The following SH3D19 variants were observed in gnomAD, a reference collection of about 807,000 sequenced individuals.
The protein encoded by SH3D19 is SH3 domain containing 19, also known as SH3 domain-containing protein 19.
In SH3D19, 58 loss-of-function variants were observed where a neutral mutation model predicts 112.1. That is an observed-to-expected ratio of 0.52 (90% confidence interval 0.42 to 0.64). The LOEUF (loss-of-function observed/expected upper bound fraction) is 0.64. SH3D19 is among the 30% of genes least tolerant of loss of function. The pLI is 0.00. For missense variants in SH3D19, 1,090 were observed against 1,263.4 expected, an observed-to-expected ratio of 0.86 and a Z score of 2.08; for synonymous variants, 391 against 448.5, an observed-to-expected ratio of 0.87 and a Z score of 1.62.
chr4:151,213,596 G>C (rs1378650641), intron 2 of SH3D19, among the ~76,000 whole-genome samples: 1 of 152,128 alleles, frequency 6.6e-6, no homozygotes, highest in Non-Finnish European at 1.5e-5. Context: ...AGTGAGCCGT[G>C]ACTGCACCAC....
chr4:151,277,918 G>A (rs2150004079), intron 1 of SH3D19, among the ~76,000 whole-genome samples: 1 of 152,192 alleles, frequency 6.6e-6, no homozygotes, highest in South Asian at 2.1e-4. Flanking sequence ...GCGGGCACCT[G>A]TAGTCCCAGC....
At chr4:151,325,182 G>C (rs1730929156) in intron 1 of SH3D19, 59 bp downstream of exon 1, 4 of 982,000 alleles carry the variant, frequency 4.1e-6, no homozygotes, top group Admixed American at 4.4e-5. Context: ...GGCAGGACCC[G>C]AGCGGCCCCA....
chr4:151,235,898 T>A (rs997389336), intron 1 of SH3D19, among the ~76,000 whole-genome samples: 3 of 152,128 alleles, frequency 2.0e-5, no homozygotes, highest in African/African-American at 7.2e-5. Flanking sequence ...GAAACCAAAG[T>A]CCCTTATACA....
At chr4:151,270,015 A>G (rs928847513) in intron 1 of SH3D19, among the ~76,000 whole-genome samples, 9 of 152,168 alleles carry the variant, frequency 5.9e-5, no homozygotes, top group Admixed American at 4.6e-4. Context: ...TGCCTTTTGC[A>G]GAATACTTCC....
chr4:151,313,383 T>C (rs1458582778), intron 1 of SH3D19, among the ~76,000 whole-genome samples: 1 of 151,838 alleles, frequency 6.6e-6, no homozygotes, highest in Non-Finnish European at 1.5e-5. Context: ...AATATTCAAA[T>C]AGAAGTCTGC....
chr4:151,318,300 C>CAAAAAAA (rs752720803), intron 1 of SH3D19, among the ~76,000 whole-genome samples: 8 of 54,398 alleles, frequency 1.5e-4, no homozygotes, highest in African/African-American at 1.9e-4. Context: ...GACTCTGACT[C>CAAAAAAA]AAAAAAAAAA....
intron 1 of SH3D19, among the ~76,000 whole-genome samples, chr4:151,303,042 G>A (rs1156668893): frequency 6.6e-6 from 1 of 152,192 alleles, no homozygotes; most frequent in Non-Finnish European, 1.5e-5. Context: ...AAGAATGCAT[G>A]TCTTCTGAAT....
intron 11 of SH3D19, chr4:151,144,385 C>T: frequency 2.8e-6 from 3 of 1,054,630 alleles, no homozygotes; most frequent in Non-Finnish European, 4.4e-6. Flanking sequence ...GCCTAAAGTG[C>T]ACCTTCTCCA....
At chr4:151,315,434 A>C (rs1230030540) in intron 1 of SH3D19, among the ~76,000 whole-genome samples, 3 of 152,084 alleles carry the variant, frequency 2.0e-5, no homozygotes, top group Non-Finnish European at 2.9e-5. Flanking sequence ...CTGACAGAGG[A>C]CTCTAGTGTA....
At chr4:151,295,800 G>A (rs1775665338) in intron 1 of SH3D19, among the ~76,000 whole-genome samples, 1 of 152,214 alleles carries the variant, frequency 6.6e-6, no homozygotes, top group Non-Finnish European at 1.5e-5. Flanking sequence ...CACTTTGGGA[G>A]GCTGAGGCGG....
rs774799114 is a variant in SH3D19, at chr4:151,174,657, A to G, written c.1534+13T>C. On this transcript the variant is annotated intron_variant, in intron 7 of 19. Transcript: ENST00000604030. ...GAGTTTAGATTCCCCTCCACTGCTG[A>G]TTTTTCACTCACCTAGAACCATCTC... The G allele has an allele frequency of 8.7e-6, 13 of 1,495,636 alleles. No individual in the cohort carries two copies. Among genetic ancestry groups the G allele is most frequent in the Non-Finnish European group, 1.2e-5 (13 of 1,123,942 alleles). 92.6% of individuals were successfully genotyped at this position (1,495,636 alleles called of 1,614,324 possible).
chr4:151,310,923 A>G (rs1729391471), intron 1 of SH3D19, among the ~76,000 whole-genome samples: 1 of 151,358 alleles, frequency 6.6e-6, no homozygotes, highest in Non-Finnish European at 1.5e-5. Context: ...TCACTGCAGC[A>G]TTATTCACAA....
At chr4:151,150,946 C>G (rs556804386) in intron 9 of SH3D19, among the ~76,000 whole-genome samples, 17 of 150,302 alleles carry the variant, frequency 1.1e-4, no homozygotes, top group African/African-American at 4.0e-4. Flanking sequence ...GGGAAAAAGC[C>G]CTCACAAAAT....
intron 7 of SH3D19, among the ~76,000 whole-genome samples, chr4:151,171,764 A>C (rs1371575631): frequency 1.3e-5 from 2 of 152,158 alleles, no homozygotes; most frequent in Non-Finnish European, 1.5e-5. Flanking sequence ...ATTGGCTGCT[A>C]AACTATTATT....
intron 1 of SH3D19, among the ~76,000 whole-genome samples, chr4:151,272,965 T>C (rs1773330295): frequency 6.6e-6 from 1 of 152,142 alleles, no homozygotes; most frequent in Non-Finnish European, 1.5e-5. Flanking sequence ...GTGGTGATTT[T>C]CTAATGCTGC....
At chr4:151,277,107 T>C (rs1406265228) in intron 1 of SH3D19, 7 of 1,246,800 alleles carry the variant, frequency 5.6e-6, no homozygotes, top group East Asian at 2.8e-5. Flanking sequence ...CAGCTCCCCA[T>C]TGGCCTCTTC....
chr4:151,234,174 A>G (rs1769831161), intron 1 of SH3D19, among the ~76,000 whole-genome samples: 1 of 152,240 alleles, frequency 6.6e-6, no homozygotes, highest in Non-Finnish European at 1.5e-5. Context: ...ACGCACAGGA[A>G]AAAACTACAG....
At chr4:151,223,347 A>G (rs977934152) in intron 2 of SH3D19, among the ~76,000 whole-genome samples, 25 of 152,126 alleles carry the variant, frequency 1.6e-4, no homozygotes, top group African/African-American at 6.0e-4. Context: ...TTTCTCCTAC[A>G]TGGGATCCAT....
chr4:151,162,936 C>T (rs1227757325), intron 8 of SH3D19, among the ~76,000 whole-genome samples: 1 of 152,172 alleles, frequency 6.6e-6, no homozygotes, highest in Non-Finnish European at 1.5e-5. Flanking sequence ...TCGCCATCCT[C>T]AAAACTGATA....
Sources: allele counts gnomAD v4.1 joint callset (sites outside exome capture counted in the v4.1 genomes callset), GRCh38; gene constraint gnomAD v4.1.1; transcripts MANE v1.5; gene names NCBI Gene and HGNC (gene_info 2026-07-23, HGNC 2026-07-21).